Variants in C1QTNF1 observed in about 807,000 individuals in gnomAD.
C1QTNF1 encodes the protein C1q and TNF related 1, also known as complement C1q tumor necrosis factor-related protein 1.
C1QTNF1 carries 22 observed loss-of-function variants against 27.8 expected under a neutral mutation model. The observed-to-expected ratio is 0.79, with a 90% CI of 0.56 to 1.13. C1QTNF1 has a LOEUF of 1.13. Ranked by LOEUF, C1QTNF1 falls within the 50% of genes most tolerant of loss-of-function variation. The pLI is 0.00. For synonymous variants in C1QTNF1, 166 were observed against 154.3 expected, an observed-to-expected ratio of 1.08 and a Z score of -0.56; for missense variants, 373 against 380.2, an observed-to-expected ratio of 0.98 and a Z score of 0.16.
chr17:79,042,968 C>T (rs1056429710), intron 1 of C1QTNF1, among the ~76,000 whole-genome samples: 2 of 151,412 alleles, frequency 1.3e-5, no homozygotes, highest in Admixed American at 6.6e-5. Flanking sequence ...AATGTGTGCA[C>T]GTGTGTTGAA....
chr17:79,031,739 C>G (rs1428357523), intron 1 of C1QTNF1, among the ~76,000 whole-genome samples: 2 of 152,170 alleles, frequency 1.3e-5, no homozygotes, highest in Non-Finnish European at 2.9e-5. Context: ...CCACTGCACC[C>G]AGCCATGTAT....
Position 79,041,518 on chromosome 17 carries a change from C to T in C1QTNF1, c.-14-2437C>T, listed in dbSNP as rs190277313. ...TAAAGTCCTGGGCCGTGGCTCACGC[C>T]TGGAATCCCAGCACCTCGGGAGGCC... On this transcript the variant is annotated intron_variant, in intron 1 of 3. Coordinates refer to ENST00000579760, the MANE Select transcript of C1QTNF1 (RefSeq NM_030968.5). 3.1e-3 allele frequency among the ~76,000 whole-genome samples: 470 copies of T among 152,318 alleles called. 2 individuals carry two copies. The highest frequency in any genetic ancestry group is 0.011 in the African/African-American group (444 of 41,580).
intron 2 of C1QTNF1, 129 bp downstream of exon 2, chr17:79,044,252 C>A: frequency 1.8e-6 from 2 of 1,112,058 alleles, no homozygotes; most frequent in South Asian, 1.7e-5. Context: ...TGAGCCGTGG[C>A]CCTGCTGGAG....
At chr17:79,045,616 G>A (rs1041620304) in intron 2 of C1QTNF1, among the ~76,000 whole-genome samples, 1 of 152,176 alleles carries the variant, frequency 6.6e-6, no homozygotes, top group Non-Finnish European at 1.5e-5. Flanking sequence ...GGAGGGAGTC[G>A]GGGGTGATGC....
chr17:79,035,482 G>A (rs2072244046), intron 1 of C1QTNF1, among the ~76,000 whole-genome samples: 1 of 151,394 alleles, frequency 6.6e-6, no homozygotes, highest in African/African-American at 2.4e-5. Context: ...ACAGGTTGGA[G>A]TGCAGTGATG....
At chr17:79,024,945 C>G (rs2145875845) in intron 1 of C1QTNF1, 1 of 152,588 alleles carries the variant, frequency 6.6e-6, no homozygotes, top group African/African-American at 2.4e-5. Context: ...TCACTGGGAC[C>G]ACCTGACCGC....
chr17:79,039,590 T>C (rs2072348205), intron 1 of C1QTNF1, among the ~76,000 whole-genome samples: 1 of 151,548 alleles, frequency 6.6e-6, no homozygotes, highest in South Asian at 2.1e-4. Flanking sequence ...GAGGCGGAGG[T>C]TGCAGTGAGC....
At position 79,047,946 on chromosome 17, in the gene C1QTNF1, G is replaced by T. The variant is rs984230490; in HGVS notation, c.704G>T (p.Ser235Ile). 1 of 1,613,932 alleles carries T rather than the reference G, an allele frequency of 6.2e-7. No homozygotes were observed. The highest frequency in any genetic ancestry group is 8.5e-7 in the Non-Finnish European group (1 of 1,180,024). ...GACCGCAGCATCATGCAAAGCCAGA[G>T]CCTGATGCTGGAGCTGCGAGAGCAG... ...VGDRSIMQSQ[S>I]LMLELREQDQ... Residue 235 changes from serine to isoleucine, a missense_variant, in exon 4 of 4, where the codon AGC becomes ATC. Transcript: ENST00000579760.
At position 79,046,672 on chromosome 17, in the gene C1QTNF1, G is replaced by A; in HGVS notation, c.273G>A (p.Gln91=). ...TSMYPATAVP[Q]INITILKGEK... is the part of the protein sequence containing the mutation. ...TGTACCCGGCGACCGCCGTGCCCCA[G>A]ATCAACATCACTATCTTGAAAGGTC... The change falls in exon 3 of 4, where the codon CAG becomes CAA. Residue 91 remains glutamine, a synonymous_variant. Coordinates refer to ENST00000579760, the MANE Select transcript of C1QTNF1 (RefSeq NM_030968.5). The surrounding 1 kb of genome is among the most constrained non-coding windows in gnomAD (Gnocchi z 4.8). 3 of 1,614,222 alleles carry A rather than the reference G, an allele frequency of 1.9e-6. No homozygotes were observed. Among genetic ancestry groups the A allele is most frequent in the South Asian group, 1.1e-5 (1 of 91,086 alleles).
At chr17:79,023,262 C>CA (rs1271091164), upstream of C1QTNF1, among the ~76,000 whole-genome samples, 3 of 151,698 alleles carry the variant, frequency 2.0e-5, no homozygotes, top group Admixed American at 6.6e-5. Context: ...AAAAAAGAAG[C>CA]AAAAAAAGGG....
chr17:79,048,526 C>T lies in C1QTNF1; in HGVS notation c.*438C>T, dbSNP rs979168989. 2 of 154,350 alleles carry T rather than the reference C, an allele frequency of 1.3e-5. No individual in the cohort carries two copies. Among genetic ancestry groups the T allele is most frequent in the African/African-American group, 5.3e-5 (2 of 37,634 alleles). 9.6% of individuals were successfully genotyped at this position (154,350 alleles called of 1,614,324 possible). On this transcript the variant is annotated 3_prime_UTR_variant, in exon 4 of 4. Coordinates refer to ENST00000579760, the MANE Select transcript of C1QTNF1 (RefSeq NM_030968.5). ...TCTTTCCAGCCAGCCTGCTGGCTCCCAAGAGAGAGGCCTTTTCAGTTGAGA... is the reference window on the plus strand; with the variant it reads ...TCTTTCCAGCCAGCCTGCTGGCTCCTAAGAGAGAGGCCTTTTCAGTTGAGA...
chr17:79,027,089 G>A (rs564187342), intron 1 of C1QTNF1, among the ~76,000 whole-genome samples: 11 of 151,450 alleles, frequency 7.3e-5, no homozygotes, highest in East Asian at 5.9e-4. Context: ...GGCGGGGGGG[G>A]GCTGTGGCTG....
intron 1 of C1QTNF1, among the ~76,000 whole-genome samples, chr17:79,039,045 C>A (rs1228945131): frequency 6.6e-6 from 1 of 152,210 alleles, no homozygotes; most frequent in Non-Finnish European, 1.5e-5. Flanking sequence ...CCCACCCCAC[C>A]CCAGTGACAG....
rs1340936864 is a variant in C1QTNF1 at position 79,046,760 on chromosome 17, T to C, written c.295+66T>C. 1 of 1,597,378 alleles carries C rather than the reference T, an allele frequency of 6.3e-7. No individual in the cohort carries two copies. Among genetic ancestry groups the C allele is most frequent in the Middle Eastern group, 1.7e-4 (1 of 5,754 alleles). ...CTCTGTGCTGATCCGGAGGAAGGGA[T>C]GGAGTCGTTAGGGTGGGGCTAGGCG... On this transcript the variant is annotated intron_variant, in intron 3 of 3. Transcript: ENST00000579760. This position sits in a 1 kb window ranked among gnomAD's most constrained non-coding sequence, Gnocchi z 4.8.
At chr17:79,045,322 T>G (rs561445363) in intron 2 of C1QTNF1, among the ~76,000 whole-genome samples, 1 of 152,172 alleles carries the variant, frequency 6.6e-6, no homozygotes, top group South Asian at 2.1e-4. Flanking sequence ...AGTAGGGCAG[T>G]TGAGCCTGGA....
At chr17:79,038,464 A>C (rs2072318697) in intron 1 of C1QTNF1, among the ~76,000 whole-genome samples, 1 of 152,212 alleles carries the variant, frequency 6.6e-6, no homozygotes, top group Non-Finnish European at 1.5e-5. Context: ...GGGACGCTGA[A>C]GAGCGGCTAG....
chr17:79,025,205 C>G (rs1490778640), intron 1 of C1QTNF1, among the ~76,000 whole-genome samples: 1 of 152,212 alleles, frequency 6.6e-6, no homozygotes, highest in East Asian at 1.9e-4. Context: ...GTGGACCCAC[C>G]GCCCACCACC....
chr17:79,026,706 T>A, intron 1 of C1QTNF1, among the ~76,000 whole-genome samples: 1 of 152,054 alleles, frequency 6.6e-6, no homozygotes, highest in East Asian at 1.9e-4. Context: ...AAGCCCTAGG[T>A]GGGCGCTGTG....
At position 79,049,149 on chromosome 17, in the gene C1QTNF1, C is replaced by G. The variant is rs1053926845; in HGVS notation, c.*1061C>G. The G allele has an allele frequency of 3.3e-5, 5 of 152,512 alleles. No individual in the cohort carries two copies. The highest frequency in any genetic ancestry group is 4.8e-5 in the African/African-American group (2 of 41,458). The allele number at this position is 152,512 out of a possible 1,614,324, so 9.4% of individuals were successfully genotyped here. A position where few individuals can be genotyped will look rare whatever the true frequency, so the allele number is the denominator to read the frequency against. ...GGTTGGCAGCAAGGCTGATCCAGACCCCTTCTGCCCCCACTGCCCTCATCC... is the reference window on the plus strand; with the variant it reads ...GGTTGGCAGCAAGGCTGATCCAGACGCCTTCTGCCCCCACTGCCCTCATCC... On this transcript the variant is annotated 3_prime_UTR_variant, in exon 4 of 4. Coordinates refer to ENST00000579760, the MANE Select transcript of C1QTNF1 (RefSeq NM_030968.5). This position sits in a 1 kb window ranked among gnomAD's most constrained non-coding sequence, Gnocchi z 4.4.
Sources: allele counts gnomAD v4.1 joint callset (sites outside exome capture counted in the v4.1 genomes callset), GRCh38; gene constraint gnomAD v4.1.1; non-coding constraint Gnocchi (gnomAD v3.1); transcripts MANE v1.5; gene names NCBI Gene and HGNC (gene_info 2026-07-23, HGNC 2026-07-21).